The following PIKFYVE variants were observed in gnomAD, a reference collection of about 807,000 sequenced individuals.
PIKFYVE encodes the protein phosphoinositide kinase, FYVE-type zinc finger containing, also known as 1-phosphatidylinositol 3-phosphate 5-kinase.
Under a neutral mutation model 257.9 loss-of-function variants are expected in PIKFYVE, and 122 were observed. The ratio of observed to expected loss-of-function variants is 0.47; its 90% CI spans 0.41 to 0.55. The LOEUF is 0.55. Among genes scored for constraint, PIKFYVE ranks in the 20% least tolerant of loss-of-function variants. The probability of loss-of-function intolerance (pLI) is 0.00; values close to 1 mark genes in which losing one functional copy is unlikely to be tolerated. For synonymous variants in PIKFYVE, 892 were observed against 868.9 expected (o/e 1.03, Z -0.47); for missense variants, 2,160 against 2,536.6 (o/e 0.85, Z 3.19).
At chr2:208,287,933 C>T (rs1691796344) in intron 6 of PIKFYVE, among the ~76,000 whole-genome samples, 1 of 20,118 alleles carries the variant, frequency 5.0e-5, no homozygotes, top group African/African-American at 6.8e-5. Flanking sequence ...GTGTTTATGG[C>T]ATTATGATTT....
intron 31 of PIKFYVE, among the ~76,000 whole-genome samples, chr2:208,342,096 G>C (rs1021844371): frequency 2.0e-5 from 3 of 152,156 alleles, no homozygotes; most frequent in Admixed American, 2.0e-4. Flanking sequence ...ACAGTGCCTA[G>C]GTGAGTTAGG....
At chr2:208,292,093 A>AT (rs1692389494) in intron 7 of PIKFYVE, among the ~76,000 whole-genome samples, 1 of 151,492 alleles carries the variant, frequency 6.6e-6, no homozygotes, top group South Asian at 2.1e-4. Context: ...ATCTCCAAGG[A>AT]TTTTGGGATT....
At chr2:208,329,725 C>T in intron 21 of PIKFYVE, 117 bp from the exon 22 acceptor site, 2 of 1,495,422 alleles carry the variant, frequency 1.3e-6, no homozygotes, top group East Asian at 2.5e-5. Context: ...ACATTACCTC[C>T]TTTCATACTT....
intron 9 of PIKFYVE, among the ~76,000 whole-genome samples, chr2:208,301,848 TAC>T (rs919500442): frequency 4.3e-4 from 65 of 152,144 alleles, no homozygotes; most frequent in African/African-American, 1.5e-3. Flanking sequence ...TATATATATA[TAC>T]ACACACACAC....
chr2:208,293,048 T>G (rs1692510776), intron 7 of PIKFYVE, among the ~76,000 whole-genome samples: 1 of 150,474 alleles, frequency 6.6e-6, no homozygotes, highest in South Asian at 2.1e-4. Flanking sequence ...TGTTATTCCA[T>G]TTTCTCTCCT....
Position 208,349,891 on chromosome 2 carries a change from A to G in PIKFYVE, c.5375-133A>G. 20 of 1,314,554 alleles carry G rather than the reference A, an allele frequency of 1.5e-5. No homozygotes were observed. The South Asian group carries it at 2.8e-4, about 19-fold the overall frequency. The allele number at this position is 1,314,554 out of a possible 1,614,324, so 81.4% of individuals were successfully genotyped here. A position where few individuals can be genotyped will look rare whatever the true frequency, so the allele number is the denominator to read the frequency against. ...TAATTGTATATCTTATGCTTGCTTG[A>G]TAGTGACTTGAGTAGGATATTTTTA... On this transcript the variant is annotated intron_variant, in intron 35 of 41. Transcript: ENST00000264380.
At chr2:208,274,125 C>A in intron 3 of PIKFYVE, 1 of 1,480,894 alleles carries the variant, frequency 6.8e-7, no homozygotes, top group South Asian at 1.2e-5. Flanking sequence ...ATGCATGCCT[C>A]TGGCTGCAGA....
At chr2:208,294,581 A>G (rs10932256) in intron 7 of PIKFYVE, among the ~76,000 whole-genome samples, 141,661 of 152,192 alleles carry the variant, frequency 0.93, 66,449 homozygotes, top group Non-Finnish European at 0.98. Flanking sequence ...AGTCCTGTGA[A>G]TCACTGTCAC....
intron 30 of PIKFYVE, 39 bp downstream of exon 30, chr2:208,339,594 T>C (rs1019435218): frequency 6.2e-7 from 1 of 1,607,612 alleles, no homozygotes. Context: ...TCATTGTATC[T>C]AAGACTGAAA....
intron 35 of PIKFYVE, among the ~76,000 whole-genome samples, chr2:208,348,489 C>T (rs1198964627): frequency 6.6e-6 from 1 of 151,760 alleles, no homozygotes; most frequent in Non-Finnish European, 1.5e-5. Context: ...TGGCCCATGT[C>T]TATAATCCCA....
rs1463447947 is a variant in PIKFYVE, at chr2:208,302,684, G to T, written c.1320+331G>T. On this transcript the variant is annotated intron_variant, in intron 10 of 41. Transcript: ENST00000264380. ...TTATCATTTAACTTTAATGGTTTTTGGTTTTATTAGGCCTATGCTTTTAGA... is the reference window on the plus strand; with the variant it reads ...TTATCATTTAACTTTAATGGTTTTTTGTTTTATTAGGCCTATGCTTTTAGA... The T allele has an allele frequency of 4.5e-4, 146 of 324,094 alleles. 1 individual carries two copies. Among genetic ancestry groups the T allele is most frequent in the Non-Finnish European group, 3.5e-4 (59 of 167,186 alleles). The allele number at this position is 324,094 out of a possible 1,614,324, so 20.1% of individuals were successfully genotyped here.
At chr2:208,292,644 C>T (rs1692462756) in intron 7 of PIKFYVE, among the ~76,000 whole-genome samples, 1 of 151,828 alleles carries the variant, frequency 6.6e-6, no homozygotes, top group African/African-American at 2.4e-5. Flanking sequence ...CATGGTTTAT[C>T]TTTCTCCATC....
rs1422867051 is a variant in PIKFYVE, at chr2:208,325,894, C to T, written c.3083C>T (p.Thr1028Ile). ...PLQDDTGLYV[T>I]EEVTSSEDKR... ...CAGGATGACACTGGATTATATGTTA[C>T]TGAGGAAGTCACCTCCTCTGAAGAT... The change falls in exon 20 of 42, where the codon ACT (threonine) becomes ATT (isoleucine). Residue 1028 changes from threonine to isoleucine, a missense_variant. By Grantham distance (89) the Thr-to-Ile change is moderately conservative. This residue lies in a region of PIKFYVE where 522 missense variants were observed against 514.6 expected (regional missense o/e 1.01). Transcript: ENST00000264380. 9.9e-6 allele frequency: 16 copies of T among 1,614,138 alleles called. No individual in the cohort carries two copies. The East Asian group carries it at 3.6e-4, about 36-fold the overall frequency.
Position 208,350,029 on chromosome 2 carries a change from G to C in PIKFYVE, c.5380G>C (p.Val1794Leu). ...ENQGVEPQDEVDGGDTQKKQL... is the reference protein window; with the variant it reads ...ENQGVEPQDELDGGDTQKKQL... ...AATGATATTAAACCTTTTAGATGAA[G>C]TAGATGGAGGAGATACACAAAAGAA... Residue 1794 changes from valine (V) to leucine (L), a missense_variant, in exon 36 of 42, where the codon GTA (valine) becomes CTA (leucine). Val to Leu is a conservative substitution (Grantham distance 32, BLOSUM62 1). This residue lies in a region of PIKFYVE where 699 missense variants were observed against 855.8 expected (regional missense o/e 0.82). Coordinates refer to ENST00000264380, the MANE Select transcript of PIKFYVE (RefSeq NM_015040.4). The C allele has an allele frequency of 3.1e-6, 5 of 1,611,780 alleles. No individual in the cohort carries two copies. The highest frequency in any genetic ancestry group is 4.2e-6 in the Non-Finnish European group (5 of 1,178,522).
intron 24 of PIKFYVE, among the ~76,000 whole-genome samples, chr2:208,334,137 A>G (rs1697864891): frequency 1.3e-5 from 2 of 152,248 alleles, no homozygotes; most frequent in Admixed American, 1.3e-4. Context: ...CCTTCAAAAT[A>G]TATCAAGAGT....
rs780524511 is a variant in PIKFYVE at position 208,326,394 on chromosome 2, G to C, written c.3583G>C (p.Gly1195Arg). Residue 1195 changes from glycine to arginine, a missense_variant, in exon 20 of 42, where the codon GGG becomes CGG. By Grantham distance (125) the Gly-to-Arg change is moderately radical. Around this residue, in one of 12 missense-constraint regions of PIKFYVE, gnomAD observed 522 missense variants for 514.6 expected, o/e 1.01. Coordinates refer to ENST00000264380, the MANE Select transcript of PIKFYVE (RefSeq NM_015040.4). ...GSKNEGDEER[G>R]LILSDAVWST... is the part of the protein sequence containing the mutation. ...CAAAAATGAGGGTGATGAAGAGAGA[G>C]GGCTTATTCTGAGTGATGCTGTGTG... 9 of 1,614,094 alleles carry C rather than the reference G, an allele frequency of 5.6e-6. No homozygotes were observed. The South Asian group carries it at 9.9e-5, about 18-fold the overall frequency.
chr2:208,308,739 C>G (rs1316825622), intron 12 of PIKFYVE, among the ~76,000 whole-genome samples: 1 of 138,338 alleles, frequency 7.2e-6, no homozygotes, highest in Non-Finnish European at 1.6e-5. Flanking sequence ...CGAAATTTTG[C>G]TCTTATTGTC....
At chr2:208,325,232 C>T in intron 19 of PIKFYVE, 38 bp from the exon 20 acceptor site, 1 of 1,598,246 alleles carries the variant, frequency 6.3e-7, no homozygotes, top group Non-Finnish European at 8.6e-7. Flanking sequence ...GGATTGCCAC[C>T]TCCACCATCT....
At chr2:208,351,544 A>G (rs1574767319) in intron 38 of PIKFYVE, 89 bp downstream of exon 38, 8 of 1,065,186 alleles carry the variant, frequency 7.5e-6, no homozygotes, top group Admixed American at 1.7e-5. Flanking sequence ...TTGTGTTGCT[A>G]TAAAGAAATA....
Sources: gnomAD v4.1 joint callset for allele counts (sites outside exome capture counted in the v4.1 genomes callset) on GRCh38, gnomAD v4.1.1 for gene constraint, gnomAD v4.1.1 regional missense constraint, MANE v1.5 for transcripts, NCBI Gene and HGNC (gene_info 2026-07-23, HGNC 2026-07-21) for gene names.